Variants in SCYL3 observed in about 807,000 individuals in gnomAD.
SCYL3 encodes the protein SCY1 like pseudokinase 3.
SCYL3 carries 35 observed loss-of-function variants against 73.8 expected under a neutral mutation model. The observed-to-expected ratio is 0.47, with a 90% CI of 0.36 to 0.63. The LOEUF (loss-of-function observed/expected upper bound fraction) is 0.63, where lower values mean the gene tolerates loss of function less well. SCYL3 is among the 20% of genes least tolerant of loss of function. The pLI, the probability that SCYL3 is intolerant of heterozygous loss-of-function variation, is 0.00. For synonymous variants in SCYL3, 277 were observed against 295.2 expected (o/e 0.94, Z 0.63); for missense variants, 712 against 798.9 (o/e 0.89, Z 1.31).
At chr1:169,874,495 T>C (rs1660652464) in intron 4 of SCYL3, among the ~76,000 whole-genome samples, 1 of 152,126 alleles carries the variant, frequency 6.6e-6, no homozygotes, top group East Asian at 1.9e-4. Context: ...GAGTTCACAT[T>C]TTCCAGAAGC....
chr1:169,886,850 T>C (rs1661719517), intron 2 of SCYL3, among the ~76,000 whole-genome samples: 1 of 152,242 alleles, frequency 6.6e-6, no homozygotes, highest in Non-Finnish European at 1.5e-5. Flanking sequence ...CTAGGATTGT[T>C]GTTTTTTACT....
intron 10 of SCYL3, 112 bp downstream of exon 10, chr1:169,862,501 G>T: frequency 1.8e-6 from 2 of 1,117,016 alleles, no homozygotes; most frequent in Non-Finnish European, 2.6e-6. Flanking sequence ...GTATTCCACA[G>T]ACTGCTGCCT....
In SCYL3 at chr1:169,866,949, A is replaced by C; in HGVS notation, c.762T>G (p.Asn254Lys). The C allele has an allele frequency of 6.3e-7, 1 of 1,591,156 alleles. No homozygotes were observed. The highest frequency in any genetic ancestry group is 1.1e-5 in the South Asian group (1 of 87,932). The change falls in exon 8 of 13, where the codon AAT becomes AAG. Residue 254 changes from asparagine (N) to lysine (K), a missense_variant. Asn to Lys is a moderately conservative substitution (Grantham distance 94). Coordinates refer to ENST00000367771, the MANE Select transcript of SCYL3 (RefSeq NM_020423.7). ...FFRNDFLEVV[N>K]FLKSLTLKSE... is the part of the protein sequence containing the mutation. The stretch of plus-strand genomic sequence containing the variant: ...TCTTCAATGTTAAACTTTTCAAGAA[A>C]TTCACAACTTCCAGAAAATCATTTC...
rs1659580476 is a variant in SCYL3 at position 169,860,785 on chromosome 1, T to C, written c.1141-1573A>G. 2.0e-5 allele frequency among the ~76,000 whole-genome samples: 3 copies of C among 152,242 alleles called. No homozygotes were observed. The South Asian group carries it at 6.2e-4, about 32-fold the overall frequency. Reference sequence around the variant, plus strand: ...TACTACCCCTTCTGTGTCCCTCTACTATATCCACTGTCACACTTTCCCCAG... The same window carrying C: ...TACTACCCCTTCTGTGTCCCTCTACCATATCCACTGTCACACTTTCCCCAG... On this transcript the variant is annotated intron_variant, in intron 10 of 12. Coordinates refer to ENST00000367771, the MANE Select transcript of SCYL3 (RefSeq NM_020423.7).
intron 5 of SCYL3, among the ~76,000 whole-genome samples, chr1:169,872,055 G>A (rs962507561): frequency 4.6e-5 from 7 of 152,248 alleles, no homozygotes; most frequent in African/African-American, 1.2e-4. Context: ...TAAGTAATGA[G>A]GGGCCAAATG....
chr1:169,893,577 G>C (rs1328757217), intron 1 of SCYL3, among the ~76,000 whole-genome samples: 1 of 152,056 alleles, frequency 6.6e-6, no homozygotes, highest in Non-Finnish European at 1.5e-5. Context: ...GCAGATTACA[G>C]GGCGCCCCAC....
rs750961795 is a variant in SCYL3, at chr1:169,852,951, G to A, written c.*762C>T. On this transcript the variant is annotated 3_prime_UTR_variant, in exon 13 of 13. Coordinates refer to ENST00000367771, the MANE Select transcript of SCYL3 (RefSeq NM_020423.7). Reference sequence around the variant, plus strand: ...AAATGGAGGCGCTCCAAGAAAGGATGGATAAGCTAAAACGTTACATACATA... The same window carrying A: ...AAATGGAGGCGCTCCAAGAAAGGATAGATAAGCTAAAACGTTACATACATA... The A allele has an allele frequency of 4.3e-6, 7 of 1,613,930 alleles. No homozygotes were observed. The South Asian group carries it at 7.7e-5, about 18-fold the overall frequency.
In SCYL3 at chr1:169,859,207, C is replaced by T; in HGVS notation, c.1146G>A (p.Leu382=). Reference sequence around the variant, plus strand: ...AATCGCTAGTATCACGCAGGCCCAGCAAAACCTAGGAGCAAATGAGGTAAT... The same window carrying T: ...AATCGCTAGTATCACGCAGGCCCAGTAAAACCTAGGAGCAAATGAGGTAAT... The part of the protein sequence containing the change: ...QLKKVILPQV[L]LGLRDTSDSI... Residue 382 remains leucine, a synonymous_variant, in exon 11 of 13, where the codon TTG becomes TTA. Transcript: ENST00000367771. The T allele has an allele frequency of 1.2e-6, 2 of 1,609,232 alleles. No individual in the cohort carries two copies. Among genetic ancestry groups the T allele is most frequent in the East Asian group, 4.5e-5 (2 of 44,800 alleles).
At chr1:169,874,866 G>A (rs1490311140) in intron 4 of SCYL3, among the ~76,000 whole-genome samples, 1 of 152,160 alleles carries the variant, frequency 6.6e-6, no homozygotes, top group Non-Finnish European at 1.5e-5. Flanking sequence ...GGCAGAGGTT[G>A]CAGTAAGCCG....
At position 169,849,777 on chromosome 1, in the gene SCYL3, A is replaced by G. The variant is rs992412572; in HGVS notation, c.*3936T>C. On this transcript the variant is annotated 3_prime_UTR_variant, in exon 13 of 13. Transcript: ENST00000367771. ...CAGCTTCTCAAAATGAGGCTTAGAT[A>G]AATGAAGTGAATTTCGTAAGGTCCT... 1.5e-5 allele frequency: 9 copies of G among 595,060 alleles called. No individual in the cohort carries two copies. The highest frequency in any genetic ancestry group is 2.7e-5 in the Non-Finnish European group (9 of 338,944). 36.9% of individuals were successfully genotyped at this position (595,060 alleles called of 1,614,324 possible). A position where few individuals can be genotyped will look rare whatever the true frequency, so the allele number is the denominator to read the frequency against.
intron 2 of SCYL3, among the ~76,000 whole-genome samples, chr1:169,881,820 G>T (rs1661285347): frequency 6.6e-6 from 1 of 152,160 alleles, no homozygotes; most frequent in African/African-American, 2.4e-5. Flanking sequence ...GGATGAGACT[G>T]TTCTACCTCA....
intron 2 of SCYL3, among the ~76,000 whole-genome samples, chr1:169,879,332 A>G (rs1661080346): frequency 6.6e-6 from 1 of 152,246 alleles, no homozygotes; most frequent in African/African-American, 2.4e-5. Flanking sequence ...GGCTGAAAGA[A>G]CGATAGAAAA....
rs771908571 is a variant in SCYL3 at position 169,852,988 on chromosome 1, A to AACTT, written c.*721_*724dup. The AACTT allele has an allele frequency of 7.4e-6, 12 of 1,611,746 alleles. No individual in the cohort carries two copies. Among genetic ancestry groups the AACTT allele is most frequent in the Non-Finnish European group, 6.8e-6 (8 of 1,179,748 alleles). On this transcript the variant is annotated 3_prime_UTR_variant, in exon 13 of 13. Transcript: ENST00000367771. ...ACGTTACATACATACTCTAGGGTGAAACTTATCACTAGGCAGAACTGGGTT... is the reference window on the plus strand; with the variant it reads ...ACGTTACATACATACTCTAGGGTGAAACTTACTTATCACTAGGCAGAACTGGGTT...
intron 2 of SCYL3, among the ~76,000 whole-genome samples, chr1:169,886,434 C>T (rs955826153): frequency 1.3e-5 from 2 of 152,142 alleles, no homozygotes; most frequent in African/African-American, 4.8e-5. Flanking sequence ...TCTTAAATAA[C>T]ATTGACTAAC....
intron 11 of SCYL3, among the ~76,000 whole-genome samples, chr1:169,858,753 ACAGT>A (rs1305045): frequency 0.037 from 5,623 of 152,164 alleles, 164 homozygotes; most frequent in South Asian, 0.1. Flanking sequence ...CATGGTATAG[ACAGT>A]CAGTCATTTA....
chr1:169,879,654 A>G (rs1237025238), intron 2 of SCYL3, among the ~76,000 whole-genome samples: 1 of 152,150 alleles, frequency 6.6e-6, no homozygotes, highest in Non-Finnish European at 1.5e-5. Context: ...CCAGGATGCA[A>G]CCCCAAACTA....
chr1:169,891,239 T>A (rs565312130), intron 1 of SCYL3, among the ~76,000 whole-genome samples: 2 of 152,258 alleles, frequency 1.3e-5, no homozygotes, highest in Non-Finnish European at 2.9e-5. Context: ...CCAGAGGAAG[T>A]CAGTTGGTAG....
chr1:169,853,905 A>ATTTT, intron 12 of SCYL3, 133 bp from the exon 13 acceptor site: 5 of 945,924 alleles, frequency 5.3e-6, no homozygotes, highest in Non-Finnish European at 8.0e-6. Context: ...TAAGTAAAAT[A>ATTTT]ACTTAGAGCT....
At position 169,850,385 on chromosome 1, in the gene SCYL3, A is replaced by AT. The variant is rs367924670; in HGVS notation, c.*3327dup. 75,895 of 998,220 alleles carry AT rather than the reference A, an allele frequency of 0.076. No individual in the cohort carries two copies. Among genetic ancestry groups the AT allele is most frequent in the South Asian group, 0.099 (4,873 of 49,390 alleles). The allele number at this position is 998,220 out of a possible 1,614,324, so 61.8% of individuals were successfully genotyped here. ...TGGCTCATGTTTTATTCTTTGTCCTATTTTTTTTTTTCCGAAATTATGTAA... is the reference window on the plus strand; with the variant it reads ...TGGCTCATGTTTTATTCTTTGTCCTATTTTTTTTTTTTCCGAAATTATGTAA... On this transcript the variant is annotated 3_prime_UTR_variant, in exon 13 of 13. Transcript: ENST00000367771.
Sources: gnomAD v4.1 joint callset for allele counts (sites outside exome capture counted in the v4.1 genomes callset) on GRCh38, gnomAD v4.1.1 for gene constraint, MANE v1.5 for transcripts, NCBI Gene and HGNC (gene_info 2026-07-23, HGNC 2026-07-21) for gene names.